Variants in IL16 observed in about 807,000 individuals in gnomAD.
IL16 encodes interleukin 16.
Under a neutral mutation model 110.1 loss-of-function variants are expected in IL16, and 67 were observed. The ratio of observed to expected loss-of-function variants is 0.61; its 90% CI spans 0.50 to 0.75. IL16 has a LOEUF of 0.75. Among genes scored for constraint, IL16 ranks in the 30% least tolerant of loss-of-function variants. The pLI is 0.00. For missense variants in IL16, 1,545 were observed against 1,655.0 expected, an observed-to-expected ratio of 0.93 and a Z score of 1.15; for synonymous variants, 689 against 662.9, an observed-to-expected ratio of 1.04 and a Z score of -0.61.
At position 81,282,771 on chromosome 15, in the gene IL16, C is replaced by T. The variant is rs747187872; in HGVS notation, c.1199+15C>T. ...GGACGTCTCCGGTATGTCCTCACTT[C>T]TGTTTCTGAATATACCCCCGACTTA... is the stretch of plus-strand genomic sequence containing the variant. On this transcript the variant is annotated intron_variant, in intron 9 of 18. Transcript: ENST00000683961. 1 of 1,565,188 alleles carries T rather than the reference C, an allele frequency of 6.4e-7. No homozygotes were observed. The highest frequency in any genetic ancestry group is 8.8e-7 in the Non-Finnish European group (1 of 1,135,520).
intron 2 of IL16, among the ~76,000 whole-genome samples, chr15:81,237,650 C>T (rs1022440916): frequency 1.3e-5 from 2 of 152,052 alleles, no homozygotes; most frequent in African/African-American, 4.8e-5. Context: ...CTAAGGTAAC[C>T]ACTTAATTTT....
chr15:81,193,766 C>T (rs1895536207), upstream of IL16, among the ~76,000 whole-genome samples: 1 of 152,108 alleles, frequency 6.6e-6, no homozygotes, highest in South Asian at 2.1e-4. Flanking sequence ...TGTAACTTCT[C>T]TGAGTCTCAG....
intron 2 of IL16, among the ~76,000 whole-genome samples, chr15:81,246,427 C>T (rs769611399): frequency 6.6e-6 from 1 of 152,202 alleles, no homozygotes; most frequent in Non-Finnish European, 1.5e-5. Context: ...TGAATACATA[C>T]ACTTTGTGAT....
chr15:81,277,015 A>G (rs1898940791), intron 6 of IL16, among the ~76,000 whole-genome samples: 2 of 132,548 alleles, frequency 1.5e-5, no homozygotes, highest in African/African-American at 6.1e-5. Context: ...ACTGTAAGAC[A>G]AGACCGGAAA....
At chr15:81,210,143 T>G (rs1237243155) in intron 1 of IL16, among the ~76,000 whole-genome samples, 2 of 152,206 alleles carry the variant, frequency 1.3e-5, no homozygotes, top group African/African-American at 4.8e-5. Flanking sequence ...CATTGCTGGT[T>G]TTTGCTGGCG....
intron 4 of IL16, among the ~76,000 whole-genome samples, chr15:81,266,041 G>A (rs1898369826): frequency 6.6e-6 from 1 of 152,232 alleles, no homozygotes; most frequent in African/African-American, 2.4e-5. Context: ...GCTGCCACGT[G>A]TGTGCTATTA....
chr15:81,285,868 A>G, intron 10 of IL16, 38 bp downstream of exon 10: 1 of 1,608,474 alleles, frequency 6.2e-7, no homozygotes, highest in African/African-American at 1.3e-5. Context: ...TCTCAGGCTC[A>G]CTCGTTCAGT....
rs759386621 is a variant in IL16 at position 81,313,440 on chromosome 15, A to T, written c.*4642A>T. 1 of 1,469,066 alleles carries T rather than the reference A, an allele frequency of 6.8e-7. No homozygotes were observed. Among genetic ancestry groups the T allele is most frequent in the Non-Finnish European group, 9.0e-7 (1 of 1,105,020 alleles). The allele number at this position is 1,469,066 out of a possible 1,614,324, so 91.0% of individuals were successfully genotyped here. On this transcript the variant is annotated 3_prime_UTR_variant, in exon 19 of 19. Coordinates refer to ENST00000683961, the MANE Select transcript of IL16 (RefSeq NM_172217.5). ...ACAGCAGAGCTGTGTTATGATCTGC[A>T]GCAGAGGTGCTGGGGACGAGCGCCA... is the stretch of plus-strand genomic sequence containing the variant.
chr15:81,308,500 C>T, intron 18 of IL16, 105 bp from the exon 19 acceptor site: 1 of 808,432 alleles, frequency 1.2e-6, no homozygotes, highest in Non-Finnish European at 2.0e-6. Flanking sequence ...GGATGGTGCC[C>T]TGTTCTCTAC....
chr15:81,214,208 T>C (rs1474552526), intron 1 of IL16, among the ~76,000 whole-genome samples: 2 of 152,212 alleles, frequency 1.3e-5, no homozygotes, highest in Admixed American at 1.3e-4. Flanking sequence ...GCTTTACTTA[T>C]AAAGCTTAGT....
intron 1 of IL16, among the ~76,000 whole-genome samples, chr15:81,202,502 T>A (rs1185022197): frequency 2.5e-5 from 3 of 120,628 alleles, no homozygotes; most frequent in African/African-American, 9.5e-5. Context: ...CAGTCCCCAG[T>A]GTGTGATGTT....
rs1899425606 is a variant in IL16, at chr15:81,285,840, A to C, written c.1332+10A>C. The C allele has an allele frequency of 6.2e-7, 1 of 1,613,696 alleles. No homozygotes were observed. The highest frequency in any genetic ancestry group is 1.1e-5 in the South Asian group (1 of 91,070). ...ACATCCAGACCCACAGGTAACACCC[A>C]CTGGGTTATCCTCTTCTTCTCAGGC... On this transcript the variant is annotated intron_variant, in intron 10 of 18. Transcript: ENST00000683961.
rs746766512 is a variant in IL16, at chr15:81,301,404, G to C, written c.3210G>C (p.Gly1070=). ...GLTEAKEDDD[G]DHSSLQSGQS... is the part of the protein sequence containing the mutation. ...CGGAAGCCAAGGAAGACGATGATGG[G>C]GACCACAGTTCCCTTCAGTCTGGTC... Residue 1070 remains glycine (G), a synonymous_variant, in exon 15 of 19, where the codon GGG becomes GGC. Coordinates refer to ENST00000683961, the MANE Select transcript of IL16 (RefSeq NM_172217.5). 5.0e-6 allele frequency: 8 copies of C among 1,613,816 alleles called. No homozygotes were observed. In the Admixed American group the frequency reaches 1.3e-4, roughly 27 times the overall value.
At chr15:81,255,244 T>A (rs1468035026) in intron 2 of IL16, among the ~76,000 whole-genome samples, 1 of 152,184 alleles carries the variant, frequency 6.6e-6, no homozygotes, top group Non-Finnish European at 1.5e-5. Context: ...TCATAGGAAA[T>A]TGCTACTTAG....
At chr15:81,262,618 A>G (rs1276156510) in intron 3 of IL16, among the ~76,000 whole-genome samples, 1 of 152,184 alleles carries the variant, frequency 6.6e-6, no homozygotes, top group Admixed American at 6.5e-5. Context: ...CTGAAAGCAA[A>G]TTTGGCAATT....
intron 2 of IL16, among the ~76,000 whole-genome samples, chr15:81,229,090 C>G (rs1157965575): frequency 6.6e-6 from 1 of 152,112 alleles, no homozygotes; most frequent in African/African-American, 2.4e-5. Flanking sequence ...GAATTAAGCA[C>G]TTAATGAATT....
At chr15:81,306,784 C>T (rs1264303317) in intron 18 of IL16, 1 of 544,436 alleles carries the variant, frequency 1.8e-6, no homozygotes, top group African/African-American at 1.9e-5. Context: ...AAGTCCTGGG[C>T]TTGGTTCGGG....
At chr15:81,231,712 A>G (rs1170055540) in intron 2 of IL16, among the ~76,000 whole-genome samples, 2 of 152,162 alleles carry the variant, frequency 1.3e-5, no homozygotes, top group African/African-American at 4.8e-5. Flanking sequence ...TGTTTTTTCT[A>G]GAAGCTTGGT....
intron 9 of IL16, among the ~76,000 whole-genome samples, chr15:81,283,976 C>T (rs564059014): frequency 7.0e-6 from 1 of 143,286 alleles, no homozygotes; most frequent in Non-Finnish European, 1.5e-5. Context: ...GCACTTCAGC[C>T]TGGGCAACAG....
Sources: allele counts gnomAD v4.1 joint callset (sites outside exome capture counted in the v4.1 genomes callset), GRCh38; gene constraint gnomAD v4.1.1; transcripts MANE v1.5; gene names NCBI Gene and HGNC (gene_info 2026-07-23, HGNC 2026-07-21).